The following RBSN variants were observed in gnomAD, a reference collection of about 807,000 sequenced individuals.
RBSN encodes rabenosyn, RAB effector, also known as rabenosyn-5.
A neutral mutation model predicts 60.5 loss-of-function variants in RBSN; 34 were observed. That is an observed-to-expected ratio of 0.56 (90% CI 0.43 to 0.75). The LOEUF is 0.75. Ranked by LOEUF, RBSN falls within the 30% of genes least tolerant of loss-of-function variation. RBSN has a pLI of 0.00. For missense variants in RBSN, 845 were observed against 986.8 expected (o/e 0.86, Z 1.92); for synonymous variants, 322 against 366.9 (o/e 0.88, Z 1.40).
chr3:15,080,328 C>T (rs1305542887), intron 10 of RBSN, among the ~76,000 whole-genome samples: 2 of 152,132 alleles, frequency 1.3e-5, no homozygotes, highest in Non-Finnish European at 2.9e-5. Flanking sequence ...ATGGTCATGC[C>T]TGCTTTAAGC....
At chr3:15,091,681 G>C (rs2043519875) in intron 4 of RBSN, among the ~76,000 whole-genome samples, 3 of 152,216 alleles carry the variant, frequency 2.0e-5, no homozygotes, top group Admixed American at 6.5e-5. Context: ...CAAAGACAGG[G>C]AAGAACTTGC....
intron 4 of RBSN, among the ~76,000 whole-genome samples, chr3:15,095,516 G>C (rs1467709200): frequency 6.6e-6 from 1 of 152,176 alleles, no homozygotes; most frequent in Non-Finnish European, 1.5e-5. Flanking sequence ...GGGCTATAGA[G>C]GGCAAGATAC....
Position 15,090,521 on chromosome 3 carries a change from T to G in RBSN, c.167A>C (p.Lys56Thr). 6.2e-7 allele frequency: 1 copy of G among 1,614,210 alleles called. No individual in the cohort carries two copies. Among genetic ancestry groups the G allele is most frequent in the Non-Finnish European group, 8.5e-7 (1 of 1,180,040 alleles). The part of the protein sequence containing the change: ...GQIKSLVQKA[K>T]KAKDRLLKRE... The stretch of plus-strand genomic sequence containing the variant: ...TTTCAACAACCTGTCCTTTGCTTTT[T>G]TAGCCTTCTGGACAAGACCTTGAAA... Residue 56 changes from lysine to threonine, a missense_variant, in exon 5 of 14, where the codon AAA becomes ACA. Coordinates refer to ENST00000253699, the MANE Select transcript of RBSN (RefSeq NM_022340.4).
At position 15,074,498 on chromosome 3, in the gene RBSN, G is replaced by A. The variant is rs892310059; in HGVS notation, c.1639C>T (p.Arg547Trp). ...FRVASLHTRT[R>W]SLDFREIGPF... The stretch of plus-strand genomic sequence containing the variant: ...CCGATTTCTCTGAAGTCCAGGGACC[G>A]AGTCCGTGTGTGCAGGGATGCCACC... Residue 547 changes from arginine (R) to tryptophan (W), a missense_variant, in exon 14 of 14, where the codon CGG (arginine) becomes TGG (tryptophan). Arg to Trp is a moderately radical substitution (Grantham distance 101). Transcript: ENST00000253699. This position sits in a 1 kb window ranked among gnomAD's most constrained non-coding sequence, Gnocchi z 6.4. The A allele has an allele frequency of 1.3e-5, 21 of 1,614,066 alleles. No homozygotes were observed. Among genetic ancestry groups the A allele is most frequent in the South Asian group, 3.3e-5 (3 of 91,080 alleles).
At position 15,083,329 on chromosome 3, in the gene RBSN, A is replaced by C. The variant is rs75441987; in HGVS notation, c.599-721T>G. Among the ~76,000 whole-genome samples the C allele has an allele frequency of 4.7e-3, 715 of 152,318 alleles. 6 individuals carry two copies. The highest frequency in any genetic ancestry group is 0.016 in the African/African-American group (675 of 41,558). ...GGTATATGTGAGAGTTGGAAAGAAG[A>C]AGCATCTGTTTTTGTCCCCACATTA... is the stretch of plus-strand genomic sequence containing the variant. On this transcript the variant is annotated intron_variant, in intron 8 of 13. Transcript: ENST00000253699.
chr3:15,086,778 G>A (rs76045252), intron 5 of RBSN, among the ~76,000 whole-genome samples: 8,053 of 152,226 alleles, frequency 0.053, 254 homozygotes, highest in East Asian at 0.13. Context: ...GTAAATGCTG[G>A]TAGATTCCCT....
At chr3:15,097,018 C>A (rs1018303885) in intron 2 of RBSN, among the ~76,000 whole-genome samples, 15 of 152,056 alleles carry the variant, frequency 9.9e-5, no homozygotes, top group African/African-American at 3.6e-4. Context: ...TGCCACCACA[C>A]CCAGCTAGTT....
At position 15,075,720 on chromosome 3, in the gene RBSN, G is replaced by A. The variant is rs766876989; in HGVS notation, c.1102-10C>T. ...AACCAAGCAACTTTTCCTGCAGGGA[G>A]TGACAGACAATTTTACACTTAAACC... On this transcript the variant is annotated splice_polypyrimidine_tract_variant and intron_variant, in intron 12 of 13. Transcript: ENST00000253699. 5 of 1,610,468 alleles carry A rather than the reference G, an allele frequency of 3.1e-6. No individual in the cohort carries two copies. The highest frequency in any genetic ancestry group is 4.2e-6 in the Non-Finnish European group (5 of 1,176,696).
chr3:15,078,264 T>C, intron 10 of RBSN, 103 bp from the exon 11 acceptor site: 1 of 917,904 alleles, frequency 1.1e-6, no homozygotes, highest in East Asian at 2.5e-5. Context: ...AGGCAGTTAA[T>C]TCTCTAAAGG....
Position 15,096,212 on chromosome 3 carries a change from G to A in RBSN, c.-92C>T, listed in dbSNP as rs1204873177. On this transcript the variant is annotated 5_prime_UTR_variant, in exon 4 of 14. Coordinates refer to ENST00000253699, the MANE Select transcript of RBSN (RefSeq NM_022340.4). The stretch of plus-strand genomic sequence containing the variant: ...AGGAACCATGGTTCCCGCAGCATTA[G>A]CTTAAGCAGCACACAGATGGTGAGG... 4 of 1,385,208 alleles carry A rather than the reference G, an allele frequency of 2.9e-6. No individual in the cohort carries two copies. Among genetic ancestry groups the A allele is most frequent in the Non-Finnish European group, 3.8e-6 (4 of 1,043,648 alleles). The allele number at this position is 1,385,208 out of a possible 1,614,324, so 85.8% of individuals were successfully genotyped here. A position where few individuals can be genotyped will look rare whatever the true frequency, so the allele number is the denominator to read the frequency against.
In RBSN at chr3:15,073,665, C is replaced by T; in HGVS notation, c.*117G>A. 1 of 1,096,816 alleles carries T rather than the reference C, an allele frequency of 9.1e-7. No homozygotes were observed. Among genetic ancestry groups the T allele is most frequent in the East Asian group, 2.4e-5 (1 of 41,240 alleles). The allele number at this position is 1,096,816 out of a possible 1,614,324, so 67.9% of individuals were successfully genotyped here. A position where few individuals can be genotyped will look rare whatever the true frequency, so the allele number is the denominator to read the frequency against. On this transcript the variant is annotated 3_prime_UTR_variant, in exon 14 of 14. Coordinates refer to ENST00000253699, the MANE Select transcript of RBSN (RefSeq NM_022340.4). Reference sequence around the variant, plus strand: ...AAAACAGCAGATTCCTGCCCCTCACCTGTGTGCATCTGAGTTCTCACCCTG... The same window carrying T: ...AAAACAGCAGATTCCTGCCCCTCACTTGTGTGCATCTGAGTTCTCACCCTG...
At chr3:15,089,985 T>C (rs1047008377) in intron 5 of RBSN, among the ~76,000 whole-genome samples, 3 of 152,198 alleles carry the variant, frequency 2.0e-5, no homozygotes, top group Admixed American at 1.3e-4. Flanking sequence ...GATGTTACTA[T>C]AATTATTCAA....
chr3:15,098,765 C>G (rs1198378352), intron 1 of RBSN, among the ~76,000 whole-genome samples: 1 of 152,222 alleles, frequency 6.6e-6, no homozygotes, highest in African/African-American at 2.4e-5. Flanking sequence ...TTTACACAAC[C>G]AGAGAATCAA....
chr3:15,091,265 GT>G (rs2043510273), intron 4 of RBSN: 2 of 246,194 alleles, frequency 8.1e-6, no homozygotes, highest in Non-Finnish European at 1.1e-5. Context: ...TTAAAATAAT[GT>G]TTTTTAAAAA....
At chr3:15,085,635 G>T (rs1169942456) in intron 6 of RBSN, among the ~76,000 whole-genome samples, 3 of 152,166 alleles carry the variant, frequency 2.0e-5, no homozygotes, top group African/African-American at 7.2e-5. Flanking sequence ...GGTGGGAAAA[G>T]GGAAGCTAAG....
rs115245201 is a variant in RBSN at position 15,082,929 on chromosome 3, T to C, written c.599-321A>G. 6.2e-3 allele frequency among the ~76,000 whole-genome samples: 944 copies of C among 152,320 alleles called. 13 individuals are homozygous for C. The highest frequency in any genetic ancestry group is 0.021 in the African/African-American group (883 of 41,570). On this transcript the variant is annotated intron_variant, in intron 8 of 13. Coordinates refer to ENST00000253699, the MANE Select transcript of RBSN (RefSeq NM_022340.4). The surrounding 1 kb of genome is among the most constrained non-coding windows in gnomAD (Gnocchi z 4.2). ...TCCCTATTCCCAAACATCTGGCTCC[T>C]ACCCTCTCTGAATGGCAGGTCCTCC...
Position 15,077,190 on chromosome 3 carries a change from T to C in RBSN, c.999-26A>G, listed in dbSNP as rs371816149. ...CTGAATTGGAACAAACACATGAATATAATGAGCACTGCCAGCTTCAGAAAC... is the reference window on the plus strand; with the variant it reads ...CTGAATTGGAACAAACACATGAATACAATGAGCACTGCCAGCTTCAGAAAC... On this transcript the variant is annotated intron_variant, in intron 11 of 13. Transcript: ENST00000253699. This position sits in a 1 kb window ranked among gnomAD's most constrained non-coding sequence, Gnocchi z 4.4. The C allele has an allele frequency of 3.5e-4, 544 of 1,576,686 alleles. No homozygotes were observed. Among genetic ancestry groups the C allele is most frequent in the Non-Finnish European group, 4.6e-4 (525 of 1,146,190 alleles).
rs1380960483 is a variant in RBSN, at chr3:15,096,562, A to G, written c.-196T>C. 6.5e-6 allele frequency: 1 copy of G among 153,990 alleles called. No homozygotes were observed. Among genetic ancestry groups the G allele is most frequent in the Non-Finnish European group, 1.4e-5 (1 of 69,432 alleles). The allele number at this position is 153,990 out of a possible 1,614,324, so 9.5% of individuals were successfully genotyped here. A position where few individuals can be genotyped will look rare whatever the true frequency, so the allele number is the denominator to read the frequency against. On this transcript the variant is annotated 5_prime_UTR_variant, in exon 3 of 14. Coordinates refer to ENST00000253699, the MANE Select transcript of RBSN (RefSeq NM_022340.4). ...TGGCAATTCTCTTACATTCATTCCA[A>G]ATGATCCAACTTCATAATTCATATG...
rs931025841 is a variant in RBSN, at chr3:15,072,363, G to A, written c.*1419C>T. Reference sequence around the variant, plus strand: ...GCTGAGATCATGCCACTACACTCCAGCCTGGGCAACAAAGTGAAACTCTGT... The same window carrying A: ...GCTGAGATCATGCCACTACACTCCAACCTGGGCAACAAAGTGAAACTCTGT... On this transcript the variant is annotated 3_prime_UTR_variant, in exon 14 of 14. Transcript: ENST00000253699. 6.6e-6 allele frequency: 1 copy of A among 152,224 alleles called. No homozygotes were observed. Among genetic ancestry groups the A allele is most frequent in the African/African-American group, 2.4e-5 (1 of 41,444 alleles). The allele number at this position is 152,224 out of a possible 1,614,324, so 9.4% of individuals were successfully genotyped here.
Sources: gnomAD v4.1 joint callset for allele counts (sites outside exome capture counted in the v4.1 genomes callset) on GRCh38, gnomAD v4.1.1 for gene constraint, Gnocchi (gnomAD v3.1) non-coding constraint, MANE v1.5 for transcripts, NCBI Gene and HGNC (gene_info 2026-07-23, HGNC 2026-07-21) for gene names.